The following ADGB variants were observed in gnomAD, a reference collection of about 807,000 sequenced individuals.
ADGB encodes the protein androglobin, also known as calpain-7-like protein.
Under a neutral mutation model 210.5 loss-of-function variants are expected in ADGB, and 172 were observed. The ratio of observed to expected loss-of-function variants is 0.82; its 90% CI spans 0.72 to 0.93. ADGB has a LOEUF of 0.93. Among genes scored for constraint, ADGB ranks in the 40% least tolerant of loss-of-function variants. ADGB has a pLI of 0.00. For missense variants in ADGB, 2,025 were observed against 1,964.8 expected (o/e 1.03, Z -0.58); for synonymous variants, 658 against 662.7 (o/e 0.99, Z 0.11).
chr6:146,693,290 C>T lies in ADGB; in HGVS notation c.1577+375C>T, dbSNP rs139740822. On this transcript the variant is annotated intron_variant, in intron 12 of 35. Transcript: ENST00000397944. Reference sequence around the variant, plus strand: ...GGTACTGATCTGAGAGGATTAGTGACCTTCTGAGGAGAGACACCAGAGAGT... The same window carrying T: ...GGTACTGATCTGAGAGGATTAGTGATCTTCTGAGGAGAGACACCAGAGAGT... Among the ~76,000 whole-genome samples the T allele has an allele frequency of 1.7e-3, 263 of 152,098 alleles. 4 individuals are homozygous for T. In the East Asian group the frequency reaches 0.026, roughly 15 times the overall value.
intron 2 of ADGB, among the ~76,000 whole-genome samples, chr6:146,641,251 A>G (rs1160686437): frequency 6.6e-6 from 1 of 151,636 alleles, no homozygotes; most frequent in East Asian, 1.9e-4. Context: ...AACTGCTCAA[A>G]CAGAAACAAA....
chr6:146,679,184 C>T (rs1463100111), intron 9 of ADGB, among the ~76,000 whole-genome samples: 1 of 152,188 alleles, frequency 6.6e-6, no homozygotes, highest in Non-Finnish European at 1.5e-5. Flanking sequence ...AAAGATCGCT[C>T]ATTTCAGGAG....
At chr6:146,764,217 G>C in intron 28 of ADGB, 117 bp downstream of exon 28, 1 of 814,020 alleles carries the variant, frequency 1.2e-6, no homozygotes, top group Non-Finnish European at 1.8e-6. Flanking sequence ...TGTATAGCCA[G>C]AATTGGAGAA....
chr6:146,789,465 G>T (rs1318847655), intron 33 of ADGB, among the ~76,000 whole-genome samples: 2 of 152,108 alleles, frequency 1.3e-5, no homozygotes, highest in African/African-American at 4.8e-5. Context: ...AGCCAACAAT[G>T]GTTCTTTTCT....
At position 146,807,434 on chromosome 6, in the gene ADGB, C is replaced by T. The variant is rs183159227; in HGVS notation, c.4818+5423C>T. The T allele has an allele frequency of 2.5e-5, 39 of 1,551,428 alleles. No homozygotes were observed. The African/African-American group carries it at 3.6e-4, about 14-fold the overall frequency. ...TAGATGAAGCCCGACAGAAAATTTT[C>T]GACATCCGGGAAGAGTACAGAAACA... On this transcript the variant is annotated intron_variant, in intron 35 of 35. Coordinates refer to ENST00000397944, the MANE Select transcript of ADGB (RefSeq NM_024694.4).
intron 29 of ADGB, among the ~76,000 whole-genome samples, chr6:146,778,519 C>A (rs1055944825): frequency 2.0e-5 from 3 of 151,748 alleles, no homozygotes; most frequent in African/African-American, 4.8e-5. Flanking sequence ...TTCTTTTTTT[C>A]TTCTTATCCT....
At chr6:146,766,370 C>T (rs1482907007) in intron 28 of ADGB, among the ~76,000 whole-genome samples, 8 of 151,608 alleles carry the variant, frequency 5.3e-5, no homozygotes, top group African/African-American at 9.7e-5. Context: ...GAGGTTACAG[C>T]GAGCCGAGAT....
At position 146,654,161 on chromosome 6, in the gene ADGB, C is replaced by A; in HGVS notation, c.357C>A (p.Ile119=). 1 of 1,542,114 alleles carries A rather than the reference C, an allele frequency of 6.5e-7. No homozygotes were observed. The highest frequency in any genetic ancestry group is 1.2e-5 in the South Asian group (1 of 82,912). The change falls in exon 4 of 36, where the codon ATC becomes ATA. Residue 119 remains isoleucine (I), a synonymous_variant. Coordinates refer to ENST00000397944, the MANE Select transcript of ADGB (RefSeq NM_024694.4). ...SQTPVVVKNE[I]TFDLFSANEH... Reference sequence around the variant, plus strand: ...CTCCAGTAGTTGTGAAAAATGAAATCACGTTTGACTTATTTTCAGCAAATG... The same window carrying A: ...CTCCAGTAGTTGTGAAAAATGAAATAACGTTTGACTTATTTTCAGCAAATG...
At chr6:146,660,735 C>A (rs77832704) in intron 5 of ADGB, among the ~76,000 whole-genome samples, 45 of 152,136 alleles carry the variant, frequency 3.0e-4, no homozygotes, top group African/African-American at 1.1e-3. Flanking sequence ...CCCATTTGTA[C>A]GGACTTCTTT....
chr6:146,612,475 C>T, intron 1 of ADGB, among the ~76,000 whole-genome samples: 1 of 152,270 alleles, frequency 6.6e-6, no homozygotes, highest in African/African-American at 2.4e-5. Flanking sequence ...GATCAGTCAT[C>T]TATGACCTCT....
At chr6:146,784,988 C>T (rs1209794637) in intron 31 of ADGB, among the ~76,000 whole-genome samples, 194 bp downstream of exon 31, 1 of 152,130 alleles carries the variant, frequency 6.6e-6, no homozygotes, top group Non-Finnish European at 1.5e-5. Context: ...CCTGATTACC[C>T]AAAGGACTTG....
chr6:146,676,323 T>C lies in ADGB; in HGVS notation c.1098T>C (p.Asp366=), dbSNP rs1270002245. ...TTTTTCATATGTTAGAGAAAGCAGA[T>C]GCAAGAGACATTGGAAAGAAGAGAA... ...KSDKVPKEKA[D]ARDIGKKRSK... Residue 366 remains aspartate (D), a synonymous_variant, in exon 9 of 36, where the codon GAT becomes GAC. Transcript: ENST00000397944. 3.9e-6 allele frequency: 6 copies of C among 1,546,604 alleles called. No homozygotes were observed. Among genetic ancestry groups the C allele is most frequent in the Middle Eastern group, 3.4e-4 (2 of 5,948 alleles).
intron 1 of ADGB, among the ~76,000 whole-genome samples, chr6:146,608,205 T>G (rs1419688604): frequency 6.6e-6 from 1 of 152,114 alleles, no homozygotes; most frequent in African/African-American, 2.4e-5. Flanking sequence ...TGTAATAGTC[T>G]CTGAGGTTTT....
At chr6:146,725,574 C>A (rs1300272167) in intron 18 of ADGB, 1 of 152,324 alleles carries the variant, frequency 6.6e-6, no homozygotes, top group African/African-American at 2.4e-5. Context: ...TTTTGTGAAA[C>A]CAGTCCTTGG....
At chr6:146,599,182 C>T (rs1187932840) in intron 1 of ADGB, 68 bp downstream of exon 1, 1 of 1,406,076 alleles carries the variant, frequency 7.1e-7, no homozygotes, top group African/African-American at 1.4e-5. Context: ...AGTTCTGGGG[C>T]TGCCTCCCTG....
intron 35 of ADGB, chr6:146,807,762 C>A (rs927444360): frequency 9.6e-6 from 5 of 519,086 alleles, no homozygotes; most frequent in Non-Finnish European, 1.6e-5. Flanking sequence ...TGAAGCCATT[C>A]GAGTTTAAGA....
At chr6:146,655,096 T>C (rs1775761426) in intron 4 of ADGB, among the ~76,000 whole-genome samples, 1 of 152,130 alleles carries the variant, frequency 6.6e-6, no homozygotes, top group African/African-American at 2.4e-5. Flanking sequence ...AAGGTAATGG[T>C]ATTTTACACA....
intron 1 of ADGB, among the ~76,000 whole-genome samples, chr6:146,631,592 A>G (rs565224587): frequency 6.6e-6 from 1 of 152,304 alleles, no homozygotes; most frequent in East Asian, 1.9e-4. Flanking sequence ...CATTTCATAT[A>G]AATAGATGAT....
chr6:146,601,755 T>C (rs2114820670), intron 1 of ADGB, among the ~76,000 whole-genome samples: 2 of 152,356 alleles, frequency 1.3e-5, no homozygotes, highest in East Asian at 3.9e-4. Flanking sequence ...ATGCCATCTC[T>C]GACATCTCTC....
Sources: allele counts gnomAD v4.1 joint callset (sites outside exome capture counted in the v4.1 genomes callset), GRCh38; gene constraint gnomAD v4.1.1; transcripts MANE v1.5; gene names NCBI Gene and HGNC (gene_info 2026-07-23, HGNC 2026-07-21).